Variants in KIRREL3 observed in about 807,000 individuals in gnomAD.
The protein encoded by KIRREL3 is kirre like nephrin family adhesion molecule 3.
A neutral mutation model predicts 89.7 loss-of-function variants in KIRREL3; 36 were observed. That is an observed-to-expected ratio of 0.40 (90% CI 0.31 to 0.53). KIRREL3 has a LOEUF of 0.53. Among genes scored for constraint, KIRREL3 ranks in the 20% least tolerant of loss-of-function variants. The pLI, the probability that KIRREL3 is intolerant of heterozygous loss-of-function variation, is 0.49. For missense variants in KIRREL3, 864 were observed against 1,056.6 expected (o/e 0.82, Z 2.53); for synonymous variants, 445 against 441.4 (o/e 1.01, Z -0.10).
At chr11:126,888,040 C>A (rs886207923) in intron 1 of KIRREL3, among the ~76,000 whole-genome samples, 6 of 152,200 alleles carry the variant, frequency 3.9e-5, no homozygotes, top group African/African-American at 7.2e-5. Context: ...TCAATAGGAC[C>A]TATGCTATAC....
chr11:126,982,079 A>C (rs994620588), intron 1 of KIRREL3, among the ~76,000 whole-genome samples: 1 of 152,230 alleles, frequency 6.6e-6, no homozygotes, highest in Non-Finnish European at 1.5e-5. Context: ...CAGAGCCCAG[A>C]GATCCAGACC....
chr11:126,846,815 A>T (rs946604873), intron 1 of KIRREL3, among the ~76,000 whole-genome samples: 1 of 152,216 alleles, frequency 6.6e-6, no homozygotes, highest in Admixed American at 6.5e-5. Flanking sequence ...TAAGTTAGAT[A>T]AGATAAAACT....
chr11:126,456,793 G>T (rs1181411696), intron 6 of KIRREL3, among the ~76,000 whole-genome samples: 1 of 152,218 alleles, frequency 6.6e-6, no homozygotes, highest in Non-Finnish European at 1.5e-5. Flanking sequence ...GTGCAGGGCA[G>T]AGAGGGGCGC....
intron 1 of KIRREL3, among the ~76,000 whole-genome samples, chr11:126,567,261 G>A (rs865808459): frequency 5.3e-5 from 8 of 152,184 alleles, no homozygotes; most frequent in African/African-American, 1.9e-4. Flanking sequence ...TGTGACTGGT[G>A]TCCTTATGAA....
intron 1 of KIRREL3, among the ~76,000 whole-genome samples, chr11:126,857,857 T>G (rs928414459): frequency 6.6e-6 from 1 of 151,512 alleles, no homozygotes; most frequent in Non-Finnish European, 1.5e-5. Context: ...GGTGGCTGTG[T>G]GCAGTGGGAA....
In KIRREL3 at chr11:126,989,453, A is replaced by C. The variant is rs1297424233; in HGVS notation, c.55+11002T>G. 6.6e-6 allele frequency among the ~76,000 whole-genome samples: 1 copy of C among 152,160 alleles called. No homozygotes were observed. Among genetic ancestry groups the C allele is most frequent in the Non-Finnish European group, 1.5e-5 (1 of 68,026 alleles). The stretch of plus-strand genomic sequence containing the variant: ...ACACCGTATAGAAAATCCCTCCAGC[A>C]ACTTCAGAAAAACTGAATGAAAGGC... On this transcript the variant is annotated intron_variant, in intron 1 of 16. Transcript: ENST00000525144. The surrounding 1 kb of genome is among the most constrained non-coding windows in gnomAD (Gnocchi z 6.2).
chr11:126,862,325 G>A (rs1053113749), intron 1 of KIRREL3, among the ~76,000 whole-genome samples: 3 of 152,164 alleles, frequency 2.0e-5, no homozygotes, highest in Non-Finnish European at 4.4e-5. Context: ...ACCTTCCCAC[G>A]TCATTTGCAG....
rs1224611768 is a variant in KIRREL3 at position 126,530,554 on chromosome 11, C to T, written c.134-3867G>A. Among the ~76,000 whole-genome samples, 1 of 152,210 alleles carries T rather than the reference C, an allele frequency of 6.6e-6. No individual in the cohort carries two copies. Among genetic ancestry groups the T allele is most frequent in the African/African-American group, 2.4e-5 (1 of 41,446 alleles). On this transcript the variant is annotated intron_variant, in intron 2 of 16. Transcript: ENST00000525144. This position sits in a 1 kb window ranked among gnomAD's most constrained non-coding sequence, Gnocchi z 5.8. ...TGACCGGACCCTGCTGTGAGGCAGGCACTGTGCTGTCTGGTGAGGAGCAGG... is the reference window on the plus strand; with the variant it reads ...TGACCGGACCCTGCTGTGAGGCAGGTACTGTGCTGTCTGGTGAGGAGCAGG...
At position 126,564,584 on chromosome 11, in the gene KIRREL3, C is replaced by T. The variant is rs764077783; in HGVS notation, c.56-1672G>A. Among the ~76,000 whole-genome samples, 2 of 152,194 alleles carry T rather than the reference C, an allele frequency of 1.3e-5. No individual in the cohort carries two copies. The highest frequency in any genetic ancestry group is 2.9e-5 in the Non-Finnish European group (2 of 68,036). On this transcript the variant is annotated intron_variant, in intron 1 of 16. Coordinates refer to ENST00000525144, the MANE Select transcript of KIRREL3 (RefSeq NM_032531.4). This position sits in a 1 kb window ranked among gnomAD's most constrained non-coding sequence, Gnocchi z 7.4. The stretch of plus-strand genomic sequence containing the variant: ...GGCGTCTGAAGGCTTAGCCAAACCG[C>T]CCTCACTTCAAACGGTCTTACATCT...
chr11:126,958,118 C>T (rs959963492), intron 1 of KIRREL3, among the ~76,000 whole-genome samples: 1 of 152,196 alleles, frequency 6.6e-6, no homozygotes, highest in East Asian at 1.9e-4. Context: ...AATGTATGTA[C>T]AACACAGTGC....
chr11:126,915,103 C>G (rs764748439), intron 1 of KIRREL3, among the ~76,000 whole-genome samples: 22 of 152,160 alleles, frequency 1.4e-4, no homozygotes, highest in Non-Finnish European at 2.6e-4. Context: ...TTGGAGTTCA[C>G]CAGGCATCTC....
At position 126,906,470 on chromosome 11, in the gene KIRREL3, T is replaced by C. The variant is rs937464549; in HGVS notation, c.55+93985A>G. Among the ~76,000 whole-genome samples the C allele has an allele frequency of 3.3e-5, 5 of 152,196 alleles. No individual in the cohort carries two copies. The highest frequency in any genetic ancestry group is 1.2e-4 in the African/African-American group (5 of 41,448). On this transcript the variant is annotated intron_variant, in intron 1 of 16. Coordinates refer to ENST00000525144, the MANE Select transcript of KIRREL3 (RefSeq NM_032531.4). This position sits in a 1 kb window ranked among gnomAD's most constrained non-coding sequence, Gnocchi z 4.1. Reference sequence around the variant, plus strand: ...GAGACATGTTACAGCCCCTACCAGATGGCAAGAACCTTGAACCTTATTTGA... The same window carrying C: ...GAGACATGTTACAGCCCCTACCAGACGGCAAGAACCTTGAACCTTATTTGA...
chr11:126,730,611 G>A (rs1948579862), intron 1 of KIRREL3, among the ~76,000 whole-genome samples: 1 of 152,254 alleles, frequency 6.6e-6, no homozygotes, highest in Non-Finnish European at 1.5e-5. Flanking sequence ...CTAGCATCAA[G>A]TGGGTAGAGG....
At chr11:126,549,054 A>G (rs1445943234) in intron 2 of KIRREL3, among the ~76,000 whole-genome samples, 1 of 152,204 alleles carries the variant, frequency 6.6e-6, no homozygotes, top group African/African-American at 2.4e-5. Context: ...ATGGTTGAGA[A>G]GTGCTGCTCT....
upstream of KIRREL3, among the ~76,000 whole-genome samples, chr11:127,002,344 G>A (rs532467379): frequency 5.9e-5 from 9 of 152,308 alleles, no homozygotes; most frequent in East Asian, 9.6e-4. Flanking sequence ...ACTTTGGGAG[G>A]AGAAACAGAA....
At position 126,940,754 on chromosome 11, in the gene KIRREL3, C is replaced by G. The variant is rs1948413355; in HGVS notation, c.55+59701G>C. On this transcript the variant is annotated intron_variant, in intron 1 of 16. Transcript: ENST00000525144. The surrounding 1 kb of genome is among the most constrained non-coding windows in gnomAD (Gnocchi z 4.6). ...TGACCTCAGAATTCTTCTACTTAGCCTTGTCCCTACCTCTTTACTCCTCTG... is the reference window on the plus strand; with the variant it reads ...TGACCTCAGAATTCTTCTACTTAGCGTTGTCCCTACCTCTTTACTCCTCTG... 6.6e-6 allele frequency: 1 copy of G among 152,204 alleles called. No homozygotes were observed. The highest frequency in any genetic ancestry group is 1.5e-5 in the Non-Finnish European group (1 of 68,048). 9.4% of individuals were successfully genotyped at this position (152,204 alleles called of 1,614,324 possible). A position where few individuals can be genotyped will look rare whatever the true frequency, so the allele number is the denominator to read the frequency against.
chr11:126,916,924 C>T (rs768786050), intron 1 of KIRREL3, among the ~76,000 whole-genome samples: 1 of 152,084 alleles, frequency 6.6e-6, no homozygotes, highest in East Asian at 1.9e-4. Flanking sequence ...ACAGGATGTC[C>T]CCCAGCTTGG....
intron 1 of KIRREL3, among the ~76,000 whole-genome samples, chr11:126,672,700 G>C (rs540108380): frequency 6.6e-6 from 1 of 152,222 alleles, no homozygotes; most frequent in Non-Finnish European, 1.5e-5. Context: ...CATGGAGCTG[G>C]GAGGATACAA....
chr11:126,560,402 C>T (rs73635304), intron 2 of KIRREL3, among the ~76,000 whole-genome samples: 6,239 of 152,296 alleles, frequency 0.041, 330 homozygotes, highest in African/African-American at 0.12. Flanking sequence ...TTGACTATCA[C>T]GTGCCTCCTT....
Sources: allele counts gnomAD v4.1 joint callset (sites outside exome capture counted in the v4.1 genomes callset), GRCh38; gene constraint gnomAD v4.1.1; non-coding constraint Gnocchi (gnomAD v3.1); transcripts MANE v1.5; gene names NCBI Gene and HGNC (gene_info 2026-07-23, HGNC 2026-07-21).